The following ACSL5 variants were observed in gnomAD, a reference collection of about 807,000 sequenced individuals.
The protein encoded by ACSL5 is long-chain-fatty-acid--CoA ligase 5.
In ACSL5, 50 loss-of-function variants were observed where a neutral mutation model predicts 84.9. The ratio of observed to expected loss-of-function variants is 0.59; its 90% CI spans 0.47 to 0.75. The LOEUF is 0.75. ACSL5 is among the 30% of genes least tolerant of loss of function. The probability of loss-of-function intolerance (pLI) is 0.00; values close to 1 mark genes in which losing one functional copy is unlikely to be tolerated. For synonymous variants in ACSL5, 280 were observed against 300.7 expected, an observed-to-expected ratio of 0.93 and a Z score of 0.71; for missense variants, 775 against 830.4, an observed-to-expected ratio of 0.93 and a Z score of 0.82.
At chr10:112,404,867 G>A in intron 5 of ACSL5, 61 bp downstream of exon 5, 2 of 1,411,000 alleles carry the variant, frequency 1.4e-6, no homozygotes, top group Middle Eastern at 3.6e-4. Flanking sequence ...AACTTCAAAT[G>A]CTATTCCCCG....
rs760136368 is a variant in ACSL5, at chr10:112,425,499, C to A, written c.1737+18C>A. ...GCTTACGGGTAATATATCATTTTAA[C>A]AATAGCCCATTTCAGTCACAAACCA... On this transcript the variant is annotated intron_variant, in intron 18 of 20. Transcript: ENST00000354655. 49 of 1,572,642 alleles carry A rather than the reference C, an allele frequency of 3.1e-5. No individual in the cohort carries two copies. Among genetic ancestry groups the A allele is most frequent in the Non-Finnish European group, 4.0e-5 (46 of 1,159,196 alleles).
rs761356953 is a variant in ACSL5, at chr10:112,386,499, ACTC to A, written c.-29-8416_-29-8414del. The stretch of plus-strand genomic sequence containing the variant: ...ATAAGCCACTGTGTCTGGCCAGAAA[ACTC>A]CTATAGCTCTATAGTAAGTATTTAA... On this transcript the variant is annotated intron_variant, in intron 1 of 20. Transcript: ENST00000354655. 7.9e-4 allele frequency among the ~76,000 whole-genome samples: 120 copies of A among 151,324 alleles called. 1 individual carries two copies. The highest frequency in any genetic ancestry group is 1.6e-3 in the Non-Finnish European group (108 of 67,798).
chr10:112,411,878 C>G (rs1016157140), intron 10 of ACSL5, 24 bp from the exon 11 acceptor site: 7 of 1,602,392 alleles, frequency 4.4e-6, no homozygotes, highest in Admixed American at 1.7e-5. Flanking sequence ...ATGTTGCCTC[C>G]TCTTACTTCC....
At chr10:112,408,298 C>G in intron 5 of ACSL5, 124 bp from the exon 6 acceptor site, 1 of 461,606 alleles carries the variant, frequency 2.2e-6, no homozygotes, top group Non-Finnish European at 3.8e-6. Context: ...GGCACTGTCT[C>G]AAAAAAAAAA....
At chr10:112,421,123 TG>T (rs1316125672) in intron 14 of ACSL5, among the ~76,000 whole-genome samples, 2 of 152,112 alleles carry the variant, frequency 1.3e-5, no homozygotes, top group Non-Finnish European at 2.9e-5. Context: ...CTTTGCAGCT[TG>T]GGTATGAGTT....
intron 3 of ACSL5, among the ~76,000 whole-genome samples, chr10:112,401,752 T>A (rs561601279): frequency 1.3e-5 from 2 of 152,314 alleles, no homozygotes; most frequent in African/African-American, 2.4e-5. Context: ...CCTGGAACTC[T>A]CTCTCTCCTT....
At chr10:112,381,771 A>G (rs1359172337) in intron 1 of ACSL5, among the ~76,000 whole-genome samples, 1 of 152,048 alleles carries the variant, frequency 6.6e-6, no homozygotes, top group Non-Finnish European at 1.5e-5. Context: ...GTTTGAGACC[A>G]GACTGGCCAA....
intron 1 of ACSL5, among the ~76,000 whole-genome samples, chr10:112,381,137 C>A (rs1406705066): frequency 6.6e-6 from 1 of 152,146 alleles, no homozygotes; most frequent in Non-Finnish European, 1.5e-5. Flanking sequence ...GATCACACAT[C>A]TTTGAGGTTC....
rs1361870576 is a variant in ACSL5, at chr10:112,396,521, C to G, written c.156+1419C>G. On this transcript the variant is annotated intron_variant, in intron 2 of 20. Transcript: ENST00000354655. ...CCAGATTCAGCCTGCAGATTATAGT[C>G]TACCAAACCCTCATCTAAATTCTCA... is the stretch of plus-strand genomic sequence containing the variant. 6 of 152,210 alleles carry G rather than the reference C, an allele frequency of 3.9e-5. No homozygotes were observed. In the East Asian group the frequency reaches 7.7e-4, roughly 20 times the overall value. 9.4% of individuals were successfully genotyped at this position (152,210 alleles called of 1,614,324 possible). A position where few individuals can be genotyped will look rare whatever the true frequency, so the allele number is the denominator to read the frequency against.
intron 1 of ACSL5, chr10:112,376,394 G>C: frequency 6.2e-7 from 1 of 1,614,144 alleles, no homozygotes. Flanking sequence ...GAAGAACTCA[G>C]AGCCGGGAAG....
rs376644047 is a variant in ACSL5 at position 112,408,500 on chromosome 10, A to G, written c.511A>G (p.Ile171Val). 1.4e-4 allele frequency: 225 copies of G among 1,611,776 alleles called. No individual in the cohort carries two copies. The highest frequency in any genetic ancestry group is 1.7e-4 in the Non-Finnish European group (203 of 1,178,000). The stretch of plus-strand genomic sequence containing the variant: ...GTATGACACCTTGGGACCAGAAGCC[A>G]TCGTACATATTGTCAACAAGGGTAA... ...PLYDTLGPEAIVHIVNKADIA... is the reference protein window; with the variant it reads ...PLYDTLGPEAVVHIVNKADIA... The change falls in exon 6 of 21, where the codon ATC becomes GTC. Residue 171 changes from isoleucine (I) to valine (V), a missense_variant. Physicochemically the swap from Ile to Val is conservative, Grantham distance 29 (BLOSUM62 3). Coordinates refer to ENST00000354655, the MANE Select transcript of ACSL5 (RefSeq NM_203379.2).
In ACSL5 at chr10:112,411,543, T is replaced by G; in HGVS notation, c.870+14T>G. 6.2e-7 allele frequency: 1 copy of G among 1,605,796 alleles called. No homozygotes were observed. Among genetic ancestry groups the G allele is most frequent in the South Asian group, 1.1e-5 (1 of 90,784 alleles). ...AAATGTGTGGAGGTCAGTGGTCAGT[T>G]GAAAAAGAGGCTCTCATTAAAATGT... On this transcript the variant is annotated intron_variant, in intron 10 of 20. Transcript: ENST00000354655.
In ACSL5 at chr10:112,426,569, A is replaced by C. The variant is rs148398419; in HGVS notation, c.1839+210A>C. The C allele has an allele frequency of 6.8e-4, 421 of 620,696 alleles. 5 individuals carry two copies. In the East Asian group the frequency reaches 8.2e-3, roughly 12 times the overall value. 38.4% of individuals were successfully genotyped at this position (620,696 alleles called of 1,614,324 possible). The stretch of plus-strand genomic sequence containing the variant: ...GTTCATTGTGGGAAAAGATTGGGAA[A>C]GAAGAGTAAAAATGCTATTCAGAGA... On this transcript the variant is annotated intron_variant, in intron 19 of 20. Coordinates refer to ENST00000354655, the MANE Select transcript of ACSL5 (RefSeq NM_203379.2).
At chr10:112,426,114 T>C (rs903796314) in intron 18 of ACSL5, 144 bp from the exon 19 acceptor site, 10 of 607,496 alleles carry the variant, frequency 1.6e-5, no homozygotes, top group Middle Eastern at 2.7e-4. Context: ...TGAAAATATA[T>C]GGTGAGAAAA....
intron 12 of ACSL5, among the ~76,000 whole-genome samples, chr10:112,414,536 TTAG>T (rs1426723371): frequency 6.6e-6 from 1 of 151,978 alleles, no homozygotes; most frequent in African/African-American, 2.4e-5. Context: ...TTAATATTTT[TTAG>T]TAGAGATGGG....
intron 14 of ACSL5, among the ~76,000 whole-genome samples, chr10:112,419,127 T>A (rs936404056): frequency 4.7e-4 from 69 of 147,388 alleles, no homozygotes; most frequent in Non-Finnish European, 8.3e-4. Flanking sequence ...TGTGTGTGTG[T>A]GTGTAATAAT....
At chr10:112,418,080 T>C in intron 14 of ACSL5, 139 bp downstream of exon 14, 1 of 662,802 alleles carries the variant, frequency 1.5e-6, no homozygotes, top group Non-Finnish European at 2.5e-6. Flanking sequence ...AAAATATCCT[T>C]CTAACCATCT....
chr10:112,388,097 C>T (rs559685682), intron 1 of ACSL5, among the ~76,000 whole-genome samples: 2 of 152,064 alleles, frequency 1.3e-5, no homozygotes, highest in Non-Finnish European at 1.5e-5. Flanking sequence ...CGCCACCAAG[C>T]CCAGCTAACT....
chr10:112,422,304 CCT>C lies in ACSL5; in HGVS notation c.1477-20_1477-19del, dbSNP rs1295976991. The C allele has an allele frequency of 6.2e-7, 1 of 1,603,034 alleles. No homozygotes were observed. Among genetic ancestry groups the C allele is most frequent in the South Asian group, 1.1e-5 (1 of 90,454 alleles). ...GGAGCAGCCTTTGCTATTGTCACCG[CCT>C]TGTATGTCTGCTGTGCAGGTCTGCA... is the stretch of plus-strand genomic sequence containing the variant. On this transcript the variant is annotated intron_variant, in intron 16 of 20. Coordinates refer to ENST00000354655, the MANE Select transcript of ACSL5 (RefSeq NM_203379.2).
Sources: allele counts gnomAD v4.1 joint callset (sites outside exome capture counted in the v4.1 genomes callset), GRCh38; gene constraint gnomAD v4.1.1; transcripts MANE v1.5; gene names NCBI Gene and HGNC (gene_info 2026-07-23, HGNC 2026-07-21).